Variants in PTPRT observed in about 807,000 individuals in gnomAD.
PTPRT encodes the protein receptor-type tyrosine-protein phosphatase T.
PTPRT carries 56 observed loss-of-function variants against 176.8 expected under a neutral mutation model. The ratio of observed to expected loss-of-function variants is 0.32; its 90% CI spans 0.26 to 0.40. The LOEUF is 0.40. Among genes scored for constraint, PTPRT ranks in the 10% least tolerant of loss-of-function variants. The pLI is 1.00. For missense variants in PTPRT, 1,540 were observed against 1,908.2 expected, an observed-to-expected ratio of 0.81 and a Z score of 3.60; for synonymous variants, 783 against 739.0, an observed-to-expected ratio of 1.06 and a Z score of -0.96.
intron 9 of PTPRT, among the ~76,000 whole-genome samples, chr20:42,372,282 T>C (rs1274669486): frequency 3.7e-5 from 2 of 53,370 alleles, no homozygotes; most frequent in South Asian, 5.0e-4. Flanking sequence ...CTTAACTCTT[T>C]TTTTTTTTTT....
At chr20:42,201,950 C>CGTGTGTGTGTGTGT (rs11468258) in intron 15 of PTPRT, among the ~76,000 whole-genome samples, 10,994 of 143,086 alleles carry the variant, frequency 0.077, 666 homozygotes, top group African/African-American at 0.14. Context: ...AGAAAAGTTG[C>CGTGTGTGTGTGTGT]GTGTGTGTGT....
At chr20:42,099,547 G>GGGGGA (rs1985682038) in intron 26 of PTPRT, among the ~76,000 whole-genome samples, 1 of 35,344 alleles carries the variant, frequency 2.8e-5, no homozygotes, top group African/African-American at 8.5e-5. Flanking sequence ...TGGCCTGGGC[G>GGGGGA]GGGGGGGGGG....
chr20:42,486,161 T>G (rs1281124028), intron 7 of PTPRT, among the ~76,000 whole-genome samples: 1 of 152,214 alleles, frequency 6.6e-6, no homozygotes, highest in Non-Finnish European at 1.5e-5. Flanking sequence ...GACTGACCCC[T>G]CTAATAGGGG....
At chr20:42,744,115 T>C (rs1006628462) in intron 6 of PTPRT, among the ~76,000 whole-genome samples, 3 of 152,204 alleles carry the variant, frequency 2.0e-5, no homozygotes, top group Non-Finnish European at 4.4e-5. Flanking sequence ...CCCTACCTCA[T>C]GTACCAGGCC....
At chr20:42,817,633 T>C (rs1385358689) in intron 2 of PTPRT, among the ~76,000 whole-genome samples, 1 of 152,344 alleles carries the variant, frequency 6.6e-6, no homozygotes, top group Non-Finnish European at 1.5e-5. Context: ...AAGAGGCTTT[T>C]GGTAAAATCT....
intron 7 of PTPRT, among the ~76,000 whole-genome samples, chr20:42,525,715 G>A (rs1388824421): frequency 1.3e-5 from 2 of 152,082 alleles, no homozygotes; most frequent in Non-Finnish European, 2.9e-5. Flanking sequence ...TTACCTCTTC[G>A]AGTCTCTATA....
intron 15 of PTPRT, among the ~76,000 whole-genome samples, chr20:42,199,842 G>C (rs1273598672): frequency 3.9e-5 from 6 of 152,084 alleles, no homozygotes; most frequent in Admixed American, 3.3e-4. Flanking sequence ...AGTGAAGCAG[G>C]GGCTGGTGGT....
In PTPRT at chr20:42,236,820, C is replaced by T. The variant is rs117662444; in HGVS notation, c.2313-562G>A. 3.6e-3 allele frequency among the ~76,000 whole-genome samples: 546 copies of T among 152,192 alleles called. 4 individuals carry two copies. The highest frequency in any genetic ancestry group is 0.014 in the Admixed American group (214 of 15,296). On this transcript the variant is annotated intron_variant, in intron 14 of 30. Coordinates refer to ENST00000373187, the MANE Select transcript of PTPRT (RefSeq NM_007050.6). ...ATATAGCCAGTACCCAAGATGGCTC[C>T]CCAGTGATCTGCACTTCCTAGTATT...
intron 17 of PTPRT, among the ~76,000 whole-genome samples, chr20:42,144,206 G>C (rs977271578): frequency 1.3e-5 from 2 of 152,168 alleles, no homozygotes; most frequent in African/African-American, 2.4e-5. Context: ...AGAACTGAGG[G>C]GGGAGAGATG....
chr20:42,727,518 G>A (rs2076398815), intron 6 of PTPRT, among the ~76,000 whole-genome samples: 1 of 152,168 alleles, frequency 6.6e-6, no homozygotes, highest in Admixed American at 6.5e-5. Flanking sequence ...CCATGGGAGG[G>A]TACAGAGGTG....
At chr20:42,554,506 T>C (rs771752121) in intron 7 of PTPRT, among the ~76,000 whole-genome samples, 5 of 152,246 alleles carry the variant, frequency 3.3e-5, no homozygotes, top group Middle Eastern at 3.4e-3. Context: ...CAGGTCCCAA[T>C]TGCCTACAAG....
chr20:42,556,563 TC>T (rs11475413), intron 7 of PTPRT, among the ~76,000 whole-genome samples: 108,715 of 138,828 alleles, frequency 0.78, 39,352 homozygotes, highest in African/African-American at 0.82. Context: ...TATATATATA[TC>T]CCCTATCTAT....
intron 1 of PTPRT, among the ~76,000 whole-genome samples, chr20:42,977,101 C>T (rs1246557083): frequency 1.3e-5 from 2 of 152,132 alleles, no homozygotes; most frequent in Non-Finnish European, 2.9e-5. Context: ...CAAGCACAGA[C>T]TCATAGGAGA....
At chr20:42,537,278 G>A (rs1169987733) in intron 7 of PTPRT, among the ~76,000 whole-genome samples, 12 of 152,060 alleles carry the variant, frequency 7.9e-5, no homozygotes, top group African/African-American at 2.4e-4. Context: ...AGTTTAAATG[G>A]ACATAGTATT....
intron 1 of PTPRT, among the ~76,000 whole-genome samples, chr20:43,165,615 G>A (rs1380697102): frequency 1.3e-5 from 2 of 152,200 alleles, no homozygotes; most frequent in Admixed American, 6.5e-5. Context: ...CTTCACAGCA[G>A]TATGAGAACA....
chr20:42,050,914 A>G, the PTPRT span, among the ~76,000 whole-genome samples: 1 of 152,206 alleles, frequency 6.6e-6, no homozygotes, highest in Non-Finnish European at 1.5e-5. Flanking sequence ...AAAAACACAA[A>G]TTTATGAAAA....
intron 7 of PTPRT, among the ~76,000 whole-genome samples, chr20:42,677,381 G>A (rs1201331261): frequency 6.6e-6 from 1 of 151,932 alleles, no homozygotes; most frequent in Non-Finnish European, 1.5e-5. Context: ...CACAGTGAGA[G>A]CCAGGAGCCC....
intron 2 of PTPRT, among the ~76,000 whole-genome samples, chr20:42,871,007 G>C (rs2078836372): frequency 6.6e-6 from 1 of 150,598 alleles, no homozygotes; most frequent in Non-Finnish European, 1.5e-5. Flanking sequence ...CTAGAGTGCA[G>C]TGGCACAATC....
At chr20:43,038,835 C>T (rs1986490060) in intron 1 of PTPRT, among the ~76,000 whole-genome samples, 1 of 151,988 alleles carries the variant, frequency 6.6e-6, no homozygotes, top group South Asian at 2.1e-4. Flanking sequence ...ACATTTAACC[C>T]ATATACAAAA....
Sources: allele counts gnomAD v4.1 joint callset (sites outside exome capture counted in the v4.1 genomes callset), GRCh38; gene constraint gnomAD v4.1.1; transcripts MANE v1.5; gene names NCBI Gene and HGNC (gene_info 2026-07-23, HGNC 2026-07-21).